KIF11: variants seen among roughly 807,000 people sequenced by gnomAD.
KIF11 encodes the protein kinesin family member 11.
Under a neutral mutation model 121.0 loss-of-function variants are expected in KIF11, and 9 were observed. The ratio of observed to expected loss-of-function variants is 0.07; its 90% confidence interval spans 0.04 to 0.13. KIF11 has a LOEUF of 0.13. Ranked by LOEUF, KIF11 falls within the 10% of genes least tolerant of loss-of-function variation. KIF11 has a pLI of 1.00. For missense variants in KIF11, 846 were observed against 1,217.5 expected, an observed-to-expected ratio of 0.69 and a Z score of 4.54; for synonymous variants, 408 against 421.0, an observed-to-expected ratio of 0.97 and a Z score of 0.38.
chr10:92,647,067 C>G (rs1158842930), intron 18 of KIF11, among the ~76,000 whole-genome samples: 1 of 152,196 alleles, frequency 6.6e-6, no homozygotes, highest in Non-Finnish European at 1.5e-5. Flanking sequence ...TAAATCTTAA[C>G]ATGAGAGACA....
intron 10 of KIF11, among the ~76,000 whole-genome samples, chr10:92,626,206 A>G (rs1844674959): frequency 6.6e-6 from 1 of 152,222 alleles, no homozygotes; most frequent in Admixed American, 6.5e-5. Context: ...ACATCATGGT[A>G]CTGGTACAAA....
chr10:92,602,823 CACGTGTGT>C (rs1450384493), intron 1 of KIF11, among the ~76,000 whole-genome samples: 1,858 of 121,084 alleles, frequency 0.015, 38 homozygotes, highest in African/African-American at 0.054. Context: ...CACACACACA[CACGTGTGT>C]GTGTGTGTGT....
chr10:92,639,939 T>C lies in KIF11; in HGVS notation c.2267+39T>C, dbSNP rs764075394. ...AAATTCTCTTAAACTTTTCTGTAAG[T>C]CTGAAATTATTTAAGAAGAAAAAGC... On this transcript the variant is annotated intron_variant, in intron 17 of 21. Transcript: ENST00000260731. 2.2e-5 allele frequency: 23 copies of C among 1,062,820 alleles called. No homozygotes were observed. In the Admixed American group the frequency reaches 4.5e-4, roughly 21 times the overall value. The allele number at this position is 1,062,820 out of a possible 1,614,324, so 65.8% of individuals were successfully genotyped here.
intron 1 of KIF11, among the ~76,000 whole-genome samples, chr10:92,601,776 G>T (rs183744302): frequency 6.6e-6 from 1 of 151,222 alleles, no homozygotes; most frequent in Non-Finnish European, 1.5e-5. Flanking sequence ...TCCTGGCTTC[G>T]GGTGATCCTC....
At chr10:92,600,093 C>T (rs189083664) in intron 1 of KIF11, among the ~76,000 whole-genome samples, 2 of 151,040 alleles carry the variant, frequency 1.3e-5, no homozygotes, top group African/African-American at 2.4e-5. Flanking sequence ...GCAACCTCCG[C>T]CTCCCGGGTT....
At chr10:92,632,877 C>T (rs1321451467) in intron 13 of KIF11, among the ~76,000 whole-genome samples, 184 bp downstream of exon 13, 1 of 151,940 alleles carries the variant, frequency 6.6e-6, no homozygotes, top group Non-Finnish European at 1.5e-5. Flanking sequence ...TTTTTCCCTC[C>T]CCACCCTCCC....
intron 17 of KIF11, among the ~76,000 whole-genome samples, chr10:92,642,860 A>G (rs1393709834): frequency 6.6e-6 from 1 of 152,212 alleles, no homozygotes; most frequent in Non-Finnish European, 1.5e-5. Context: ...TCTTATAGAC[A>G]GCATGTAGTT....
chr10:92,606,786 T>C, intron 3 of KIF11, 70 bp downstream of exon 3: 5 of 887,930 alleles, frequency 5.6e-6, no homozygotes, highest in Non-Finnish European at 9.5e-6. Flanking sequence ...TGTTGTTTGT[T>C]TGTTTTTTGA....
At chr10:92,652,667 A>G (rs1845000799) in intron 21 of KIF11, among the ~76,000 whole-genome samples, 2 of 152,218 alleles carry the variant, frequency 1.3e-5, no homozygotes, top group South Asian at 4.1e-4. Context: ...TCTATCTTAT[A>G]AAGTTAGGAA....
chr10:92,599,591 T>A (rs1844343266), intron 1 of KIF11, among the ~76,000 whole-genome samples: 1 of 151,534 alleles, frequency 6.6e-6, no homozygotes, highest in East Asian at 1.9e-4. Flanking sequence ...TCCAGCTACT[T>A]TGCTGAATTC....
At chr10:92,649,002 T>TA (rs1229476343) in intron 19 of KIF11, among the ~76,000 whole-genome samples, 1 of 152,218 alleles carries the variant, frequency 6.6e-6, no homozygotes, top group Non-Finnish European at 1.5e-5. Flanking sequence ...ACAGCATGAA[T>TA]AATTGGGTTC....
At chr10:92,647,691 T>C (rs1312473131) in intron 18 of KIF11, among the ~76,000 whole-genome samples, 1 of 152,212 alleles carries the variant, frequency 6.6e-6, no homozygotes, top group East Asian at 1.9e-4. Flanking sequence ...CCTGGGTTTA[T>C]GGAGGAGTTG....
Position 92,596,743 on chromosome 10 carries a change from T to C in KIF11, c.77+3291T>C, listed in dbSNP as rs1466829924. ...TTTTTTGTTGTTGAGTTTTAGGAAT[T>C]TTCTATATATTTTGGATATTTTCAG... On this transcript the variant is annotated intron_variant, in intron 1 of 21. Coordinates refer to ENST00000260731, the MANE Select transcript of KIF11 (RefSeq NM_004523.4). 2.6e-5 allele frequency: 4 copies of C among 152,494 alleles called. No individual in the cohort carries two copies. The East Asian group carries it at 7.7e-4, about 29-fold the overall frequency. The allele number at this position is 152,494 out of a possible 1,614,324, so 9.4% of individuals were successfully genotyped here. A position where few individuals can be genotyped will look rare whatever the true frequency, so the allele number is the denominator to read the frequency against.
At chr10:92,649,234 G>A (rs1844954851) in intron 19 of KIF11, among the ~76,000 whole-genome samples, 1 of 151,958 alleles carries the variant, frequency 6.6e-6, no homozygotes, top group African/African-American at 2.4e-5. Flanking sequence ...TTTCAATGAA[G>A]TTAGGAATGT....
chr10:92,642,275 G>A (rs1283898157), intron 17 of KIF11, among the ~76,000 whole-genome samples: 3 of 152,104 alleles, frequency 2.0e-5, no homozygotes, highest in African/African-American at 7.2e-5. Context: ...TTTTTTAGCT[G>A]GCATTCACCC....
intron 21 of KIF11, 78 bp downstream of exon 21, chr10:92,650,595 G>A (rs1844970446): frequency 9.5e-6 from 8 of 845,704 alleles, no homozygotes; most frequent in Non-Finnish European, 1.6e-5. Context: ...ATTGTTCGTG[G>A]TGAGCAGAAC....
intron 10 of KIF11, among the ~76,000 whole-genome samples, chr10:92,624,923 C>A (rs1432764910): frequency 2.6e-5 from 4 of 151,998 alleles, no homozygotes; most frequent in African/African-American, 9.7e-5. Context: ...GCACCCACCA[C>A]CGCACCTGGC....
intron 1 of KIF11, among the ~76,000 whole-genome samples, chr10:92,603,193 C>G (rs1221186823): frequency 6.6e-6 from 1 of 151,540 alleles, no homozygotes; most frequent in Non-Finnish European, 1.5e-5. Flanking sequence ...CCTAACTACC[C>G]TAAAATAGCA....
At chr10:92,605,062 G>A (rs566377385) in intron 1 of KIF11, among the ~76,000 whole-genome samples, 33 of 151,978 alleles carry the variant, frequency 2.2e-4, no homozygotes, top group Non-Finnish European at 8.8e-5. Flanking sequence ...GTGTATAAAG[G>A]GTGCTGTAGG....
Sources: allele counts gnomAD v4.1 joint callset (sites outside exome capture counted in the v4.1 genomes callset), GRCh38; gene constraint gnomAD v4.1.1; transcripts MANE v1.5; gene names NCBI Gene and HGNC (gene_info 2026-07-23, HGNC 2026-07-21).